ABI3BP: variants seen among roughly 807,000 people sequenced by gnomAD.
ABI3BP encodes the protein target of Nesh-SH3.
ABI3BP carries 216 observed loss-of-function variants against 268.6 expected under a neutral mutation model. That is an observed-to-expected ratio of 0.80 (90% CI 0.72 to 0.90). The LOEUF (loss-of-function observed/expected upper bound fraction) is 0.90, where lower values mean the gene tolerates loss of function less well. ABI3BP is among the 40% of genes least tolerant of loss of function. The pLI is 0.00. For synonymous variants in ABI3BP, 730 were observed against 730.0 expected, an observed-to-expected ratio of 1.00 and a Z score of 0.00; for missense variants, 2,090 against 2,182.4, an observed-to-expected ratio of 0.96 and a Z score of 0.84.
At chr3:100,918,102 T>C (rs1389451273) in intron 2 of ABI3BP, among the ~76,000 whole-genome samples, 1 of 152,206 alleles carries the variant, frequency 6.6e-6, no homozygotes, top group South Asian at 2.1e-4. Context: ...TGGACTCATC[T>C]TGAAGATTTA....
intron 7 of ABI3BP, 56 bp from the exon 8 acceptor site, chr3:100,875,635 G>T: frequency 7.8e-7 from 1 of 1,276,006 alleles, no homozygotes. Context: ...GCAGTAAGAA[G>T]CTAATAATGT....
chr3:100,758,271 T>C (rs2095744222), intron 63 of ABI3BP, among the ~76,000 whole-genome samples: 1 of 152,176 alleles, frequency 6.6e-6, no homozygotes, highest in Admixed American at 6.5e-5. Flanking sequence ...TACATAAAAA[T>C]GAGGATAATG....
chr3:100,930,904 G>A (rs1432336867), intron 1 of ABI3BP: 1 of 151,980 alleles, frequency 6.6e-6, no homozygotes, highest in East Asian at 1.9e-4. Context: ...GAAAACTTCA[G>A]GCCAATATCC....
At chr3:100,759,994 C>T (rs1345215757) in intron 63 of ABI3BP, among the ~76,000 whole-genome samples, 2 of 152,232 alleles carry the variant, frequency 1.3e-5, no homozygotes, top group African/African-American at 4.8e-5. Context: ...CTGCATCATT[C>T]AGCCAGATTG....
At chr3:100,820,558 G>A (rs955619275) in intron 39 of ABI3BP, among the ~76,000 whole-genome samples, 1 of 152,154 alleles carries the variant, frequency 6.6e-6, no homozygotes, top group African/African-American at 2.4e-5. Context: ...AAATAAAAAG[G>A]TCAAGAGTCA....
rs139715517 is a variant in ABI3BP at position 100,908,363 on chromosome 3, C to T, written c.260-5677G>A. ...CTGTTGATAACTGAGTTGAATTTCCCATTATTCCTATACACCAATAACAGA... is the reference window on the plus strand; with the variant it reads ...CTGTTGATAACTGAGTTGAATTTCCTATTATTCCTATACACCAATAACAGA... On this transcript the variant is annotated intron_variant, in intron 2 of 67. Coordinates refer to ENST00000471714, the MANE Select transcript of ABI3BP (RefSeq NM_001375547.2). 4.2e-3 allele frequency among the ~76,000 whole-genome samples: 643 copies of T among 152,228 alleles called. 3 individuals carry two copies. Among genetic ancestry groups the T allele is most frequent in the African/African-American group, 0.014 (596 of 41,540 alleles).
chr3:100,904,226 A>C (rs1399774269), intron 2 of ABI3BP, among the ~76,000 whole-genome samples: 3 of 152,186 alleles, frequency 2.0e-5, no homozygotes, highest in Non-Finnish European at 4.4e-5. Flanking sequence ...GGTTGACTTC[A>C]TGGGCATGTG....
At chr3:100,964,780 G>T (rs762713032) in intron 1 of ABI3BP, among the ~76,000 whole-genome samples, 1 of 152,024 alleles carries the variant, frequency 6.6e-6, no homozygotes, top group Non-Finnish European at 1.5e-5. Context: ...TGGTCCTAGG[G>T]GGTAAAATTC....
rs1296522143 is a variant in ABI3BP, at chr3:100,802,981, A to G, written c.3757+1811T>C. Among the ~76,000 whole-genome samples, 2 of 146,386 alleles carry G rather than the reference A, an allele frequency of 1.4e-5. 1 individual carries two copies. Among genetic ancestry groups the G allele is most frequent in the Non-Finnish European group, 3.1e-5 (2 of 64,526 alleles). On this transcript the variant is annotated intron_variant, in intron 51 of 67. Transcript: ENST00000471714. ...AACACATCAGAATCCAATGTGTTTG[A>G]ACACTTCTGAGAAAACTGAAATGTG...
At chr3:100,828,356 G>C (rs2098425411) in intron 34 of ABI3BP, 37 bp downstream of exon 34, 9 of 1,510,620 alleles carry the variant, frequency 6.0e-6, no homozygotes, top group Non-Finnish European at 8.0e-6. Flanking sequence ...ACAGTGAGCA[G>C]AAAAAGCACT....
intron 4 of ABI3BP, among the ~76,000 whole-genome samples, chr3:100,886,991 C>A (rs562582042): frequency 1.3e-5 from 2 of 151,986 alleles, no homozygotes; most frequent in African/African-American, 4.8e-5. Context: ...ATCCTTATCA[C>A]TATTTTTTGA....
At chr3:100,753,494 C>T (rs560673921) in intron 65 of ABI3BP, among the ~76,000 whole-genome samples, 9 of 151,880 alleles carry the variant, frequency 5.9e-5, no homozygotes, top group South Asian at 4.2e-4. Flanking sequence ...AGTCTCATTA[C>T]GTTGCCAGGC....
intron 49 of ABI3BP, 95 bp downstream of exon 49, chr3:100,810,317 A>T: frequency 1.9e-6 from 2 of 1,052,164 alleles, no homozygotes; most frequent in South Asian, 3.1e-5. Flanking sequence ...CTGTGGGCAG[A>T]ATGATGAAGT....
intron 65 of ABI3BP, 55 bp from the exon 66 acceptor site, chr3:100,753,003 A>G: frequency 6.6e-7 from 1 of 1,506,756 alleles, no homozygotes; most frequent in Non-Finnish European, 8.9e-7. Flanking sequence ...CAGATACTTC[A>G]AGAAATCAGT....
At chr3:100,893,930 G>T (rs1339718749) in intron 4 of ABI3BP, among the ~76,000 whole-genome samples, 1 of 152,148 alleles carries the variant, frequency 6.6e-6, no homozygotes, top group East Asian at 1.9e-4. Flanking sequence ...GAGAAGAGAG[G>T]TAAAGATAAA....
intron 1 of ABI3BP, among the ~76,000 whole-genome samples, chr3:100,965,485 A>G (rs1361249545): frequency 1.5e-5 from 2 of 130,022 alleles, no homozygotes; most frequent in Non-Finnish European, 3.2e-5. Context: ...AAAACATGGA[A>G]AGCCTTTATT....
chr3:100,850,002 G>T, intron 17 of ABI3BP, 43 bp downstream of exon 17: 2 of 1,530,932 alleles, frequency 1.3e-6, no homozygotes, highest in South Asian at 2.3e-5. Context: ...CACATTACCT[G>T]TTTCGTCAAT....
chr3:100,825,045 T>C (rs768742373), intron 35 of ABI3BP, 104 bp from the exon 36 acceptor site: 18 of 898,278 alleles, frequency 2.0e-5, no homozygotes, highest in East Asian at 2.7e-5. Flanking sequence ...CCAGAAACTT[T>C]AGTTGTTTTT....
intron 54 of ABI3BP, among the ~76,000 whole-genome samples, chr3:100,793,288 G>C (rs997672348): frequency 3.3e-5 from 5 of 151,830 alleles, no homozygotes; most frequent in African/African-American, 1.2e-4. Context: ...AATACATACA[G>C]CAATACTCCC....
Sources: gnomAD v4.1 joint callset for allele counts (sites outside exome capture counted in the v4.1 genomes callset) on GRCh38, gnomAD v4.1.1 for gene constraint, MANE v1.5 for transcripts, NCBI Gene and HGNC (gene_info 2026-07-23, HGNC 2026-07-21) for gene names.